TRAK2: variants seen among roughly 807,000 people sequenced by gnomAD.
TRAK2 encodes trafficking kinesin protein 2.
In TRAK2, 81 loss-of-function variants were observed where a neutral mutation model predicts 104.6. The ratio of observed to expected loss-of-function variants is 0.77; its 90% CI spans 0.65 to 0.93. TRAK2 has a LOEUF of 0.93. TRAK2 is among the 40% of genes least tolerant of loss of function. The probability of loss-of-function intolerance (pLI) is 0.00; values close to 1 mark genes in which losing one functional copy is unlikely to be tolerated. For synonymous variants in TRAK2, 406 were observed against 394.4 expected (o/e 1.03, Z -0.35); for missense variants, 1,002 against 1,089.0 (o/e 0.92, Z 1.12).
chr2:201,390,970 G>A (rs1018168113), intron 10 of TRAK2, among the ~76,000 whole-genome samples: 3 of 151,692 alleles, frequency 2.0e-5, no homozygotes, highest in African/African-American at 7.3e-5. Context: ...TATATATATG[G>A]ATGAAAACAT....
chr2:201,405,906 C>T (rs1431244843), intron 3 of TRAK2, among the ~76,000 whole-genome samples: 4 of 152,080 alleles, frequency 2.6e-5, no homozygotes, highest in South Asian at 2.1e-4. Context: ...TGCTTGAACC[C>T]GGGGCGGGCA....
chr2:201,393,880 G>A (rs568630764), intron 9 of TRAK2, among the ~76,000 whole-genome samples: 4 of 151,976 alleles, frequency 2.6e-5, no homozygotes, highest in African/African-American at 9.7e-5. Flanking sequence ...CTCAAATAGC[G>A]GGGACCACAG....
At chr2:201,450,830 T>G (rs1952025817) in intron 1 of TRAK2, among the ~76,000 whole-genome samples, 1 of 152,194 alleles carries the variant, frequency 6.6e-6, no homozygotes, top group Non-Finnish European at 1.5e-5. Context: ...AAAAAGGACA[T>G]GTGCGAATAT....
chr2:201,420,548 G>A lies in TRAK2; in HGVS notation c.-41C>T, dbSNP rs997812784. 2 of 1,501,246 alleles carry A rather than the reference G, an allele frequency of 1.3e-6. No homozygotes were observed. The highest frequency in any genetic ancestry group is 2.7e-5 in the African/African-American group (2 of 72,818). 93.0% of individuals were successfully genotyped at this position (1,501,246 alleles called of 1,614,324 possible). On this transcript the variant is annotated 5_prime_UTR_variant, in exon 2 of 16. Transcript: ENST00000332624. ...GCTTTGGTTGAGAAGGACAGCTTTG[G>A]TATGAATCAGAGTAAAGGAAATCCA... is the stretch of plus-strand genomic sequence containing the variant.
At chr2:201,392,844 C>A in intron 10 of TRAK2, 65 bp downstream of exon 10, 1 of 1,495,792 alleles carries the variant, frequency 6.7e-7, no homozygotes, top group Non-Finnish European at 9.0e-7. Context: ...AACCATCAAA[C>A]TTTTAGGACA....
Position 201,380,845 on chromosome 2 carries a change from T to C in TRAK2, c.2443A>G (p.Met815Val), listed in dbSNP as rs1214378394. ...TTCCGGGAGGGTCTCAAGCCATACA[T>C]CTCCTGGAGGAATGTCTCAGCTGGT... ...SRPAETFLQEMYGLRPSRNPP... is the reference protein window; with the variant it reads ...SRPAETFLQEVYGLRPSRNPP... The change falls in exon 16 of 16, where the codon ATG becomes GTG. Residue 815 changes from methionine to valine, a missense_variant. Met to Val is a conservative substitution (Grantham distance 21, BLOSUM62 1). Transcript: ENST00000332624. The C allele has an allele frequency of 4.3e-6, 7 of 1,613,734 alleles. No homozygotes were observed. In the Middle Eastern group the frequency reaches 6.6e-4, roughly 152 times the overall value.
At chr2:201,433,276 G>C (rs563037619) in intron 1 of TRAK2, among the ~76,000 whole-genome samples, 1 of 152,200 alleles carries the variant, frequency 6.6e-6, no homozygotes, top group Non-Finnish European at 1.5e-5. Context: ...CTATCCAGCT[G>C]CACCGATGCC....
At chr2:201,430,732 C>A (rs1279203905) in intron 1 of TRAK2, among the ~76,000 whole-genome samples, 2 of 152,246 alleles carry the variant, frequency 1.3e-5, no homozygotes, top group Non-Finnish European at 2.9e-5. Context: ...TCTGTCATGG[C>A]TTCCCTTGGC....
intron 10 of TRAK2, among the ~76,000 whole-genome samples, chr2:201,390,469 CAGG>C (rs1177921957): frequency 6.9e-6 from 1 of 145,856 alleles, no homozygotes; most frequent in Non-Finnish European, 1.5e-5. Flanking sequence ...GAGGCTGAGG[CAGG>C]AGAATGACGT....
intron 2 of TRAK2, among the ~76,000 whole-genome samples, chr2:201,415,707 GA>G (rs1386211491): frequency 6.6e-6 from 1 of 152,072 alleles, no homozygotes; most frequent in Admixed American, 6.5e-5. Context: ...ATTGGGGGGA[GA>G]AAACTGAACA....
At chr2:201,431,980 T>A (rs1044149166) in intron 1 of TRAK2, among the ~76,000 whole-genome samples, 1 of 152,254 alleles carries the variant, frequency 6.6e-6, no homozygotes, top group Non-Finnish European at 1.5e-5. Context: ...AGTTAATACA[T>A]GTAAAGGTCT....
intron 4 of TRAK2, among the ~76,000 whole-genome samples, chr2:201,399,806 T>C (rs532408968): frequency 2.4e-4 from 36 of 152,168 alleles, no homozygotes; most frequent in Admixed American, 9.8e-4. Context: ...TTTTGGGGAA[T>C]TGGAAAATCA....
chr2:201,442,107 C>G (rs1951929948), intron 1 of TRAK2, among the ~76,000 whole-genome samples: 2 of 151,714 alleles, frequency 1.3e-5, no homozygotes, highest in South Asian at 4.2e-4. Context: ...GAGCAGAGAG[C>G]AAGCTGGGCA....
intron 2 of TRAK2, among the ~76,000 whole-genome samples, chr2:201,418,005 T>C (rs1337173164): frequency 1.3e-5 from 2 of 152,160 alleles, no homozygotes; most frequent in African/African-American, 4.8e-5. Context: ...GCAAGACTTA[T>C]ACAATAAAAA....
At chr2:201,423,547 T>G (rs1951761101) in intron 1 of TRAK2, 6 of 152,168 alleles carry the variant, frequency 3.9e-5, no homozygotes. Flanking sequence ...TCAGAACTTA[T>G]TAACATTAGT....
At chr2:201,384,906 T>A (rs1951375053) in intron 14 of TRAK2, among the ~76,000 whole-genome samples, 1 of 152,204 alleles carries the variant, frequency 6.6e-6, no homozygotes, top group African/African-American at 2.4e-5. Context: ...ATACAGTGGT[T>A]ATCTAGAGGA....
intron 1 of TRAK2, among the ~76,000 whole-genome samples, chr2:201,430,152 A>G (rs1951829105): frequency 6.6e-6 from 1 of 152,220 alleles, no homozygotes; most frequent in Non-Finnish European, 1.5e-5. Context: ...CAAATATTGC[A>G]GAACAGCCAA....
intron 2 of TRAK2, among the ~76,000 whole-genome samples, chr2:201,418,799 T>C (rs761421775): frequency 1.3e-5 from 2 of 152,144 alleles, no homozygotes; most frequent in Non-Finnish European, 2.9e-5. Context: ...GTAAAAACTA[T>C]AAAACTTTTT....
chr2:201,449,985 G>A (rs1317724596), intron 1 of TRAK2, among the ~76,000 whole-genome samples: 4 of 151,958 alleles, frequency 2.6e-5, no homozygotes, highest in Non-Finnish European at 5.9e-5. Flanking sequence ...GAGCCACAGC[G>A]CCCGGCCAAA....
Sources: allele counts gnomAD v4.1 joint callset (sites outside exome capture counted in the v4.1 genomes callset), GRCh38; gene constraint gnomAD v4.1.1; transcripts MANE v1.5; gene names NCBI Gene and HGNC (gene_info 2026-07-23, HGNC 2026-07-21).